TMEM132C: variants seen among roughly 807,000 people sequenced by gnomAD.
TMEM132C encodes transmembrane protein 132C.
In TMEM132C, 29 loss-of-function variants were observed where a neutral mutation model predicts 61.4. The observed-to-expected ratio is 0.47, with a 90% confidence interval of 0.35 to 0.64. The LOEUF (loss-of-function observed/expected upper bound fraction) is 0.64. Ranked by LOEUF, TMEM132C falls within the 30% of genes least tolerant of loss-of-function variation. The pLI, the probability that TMEM132C is intolerant of heterozygous loss-of-function variation, is 0.00. For missense variants in TMEM132C, 1,408 were observed against 1,476.9 expected (o/e 0.95, Z 0.76); for synonymous variants, 656 against 633.1 (o/e 1.04, Z -0.54).
At chr12:128,587,992 G>A (rs989303057) in intron 3 of TMEM132C, among the ~76,000 whole-genome samples, 19 of 152,162 alleles carry the variant, frequency 1.2e-4, no homozygotes, top group African/African-American at 4.6e-4. Flanking sequence ...CTCTTAAATA[G>A]CACTCAATCC....
chr12:128,368,187 G>T (rs1431983618), intron 1 of TMEM132C, among the ~76,000 whole-genome samples: 1 of 152,204 alleles, frequency 6.6e-6, no homozygotes, highest in Non-Finnish European at 1.5e-5. Flanking sequence ...CACTAGCTAG[G>T]AGCTTTTATG....
At chr12:128,543,041 A>C (rs1873816555) in intron 2 of TMEM132C, among the ~76,000 whole-genome samples, 1 of 152,042 alleles carries the variant, frequency 6.6e-6, no homozygotes, top group South Asian at 2.1e-4. Flanking sequence ...TCGTCCGTTT[A>C]TTGATAAGGA....
chr12:128,663,015 C>T (rs896211020), intron 4 of TMEM132C, among the ~76,000 whole-genome samples: 5 of 152,174 alleles, frequency 3.3e-5, no homozygotes, highest in African/African-American at 1.2e-4. Flanking sequence ...AGCCCAGAAT[C>T]GAAAGCCGGA....
intron 3 of TMEM132C, among the ~76,000 whole-genome samples, chr12:128,580,102 C>G (rs145176459): frequency 5.3e-5 from 8 of 152,286 alleles, no homozygotes; most frequent in African/African-American, 1.9e-4. Context: ...CGTAATCTCT[C>G]CAAGCCTCAG....
At chr12:128,658,417 C>T (rs74347002) in intron 4 of TMEM132C, among the ~76,000 whole-genome samples, 3,529 of 152,324 alleles carry the variant, frequency 0.023, 86 homozygotes, top group African/African-American at 0.065. Flanking sequence ...GCCACGTGAG[C>T]GGTGTGCCTT....
At chr12:128,386,711 T>G (rs1874594882) in intron 1 of TMEM132C, among the ~76,000 whole-genome samples, 1 of 152,228 alleles carries the variant, frequency 6.6e-6, no homozygotes, top group African/African-American at 2.4e-5. Flanking sequence ...ATCCCCCATC[T>G]TTTAGATGAG....
chr12:128,585,476 G>C (rs1214262723), intron 3 of TMEM132C, among the ~76,000 whole-genome samples: 1 of 152,210 alleles, frequency 6.6e-6, no homozygotes, highest in African/African-American at 2.4e-5. Context: ...ATGCCCAAAG[G>C]CTATGACCCA....
intron 2 of TMEM132C, among the ~76,000 whole-genome samples, chr12:128,479,583 T>G (rs987124163): frequency 6.6e-6 from 1 of 152,202 alleles, no homozygotes; most frequent in African/African-American, 2.4e-5. Flanking sequence ...GTTCGTTTGT[T>G]TATATTTTGG....
In TMEM132C at chr12:128,276,397, A is replaced by C. The variant is rs180741328; in HGVS notation, c.85+8910A>C. 9.8e-5 allele frequency among the ~76,000 whole-genome samples: 15 copies of C among 152,358 alleles called. No homozygotes were observed. The East Asian group carries it at 2.9e-3, about 29-fold the overall frequency. On this transcript the variant is annotated intron_variant, in intron 1 of 8. Transcript: ENST00000435159. Reference sequence around the variant, plus strand: ...ATATCGGGGAATAGGAAAACTGGTCAAGTGTGAGGTGTTTGTTTATTGTAG... The same window carrying C: ...ATATCGGGGAATAGGAAAACTGGTCCAGTGTGAGGTGTTTGTTTATTGTAG...
chr12:128,390,179 G>A (rs149332001), intron 1 of TMEM132C, among the ~76,000 whole-genome samples: 228 of 152,222 alleles, frequency 1.5e-3, no homozygotes, highest in African/African-American at 4.5e-3. Context: ...CAGGTTATTC[G>A]TTTTCTGGGC....
intron 1 of TMEM132C, among the ~76,000 whole-genome samples, chr12:128,351,217 A>G (rs559753823): frequency 6.6e-6 from 1 of 152,098 alleles, no homozygotes; most frequent in Non-Finnish European, 1.5e-5. Flanking sequence ...CCAAGGAGTG[A>G]TATGACCTGG....
At chr12:128,450,057 C>T (rs1346531974) in intron 2 of TMEM132C, among the ~76,000 whole-genome samples, 1 of 152,192 alleles carries the variant, frequency 6.6e-6, no homozygotes, top group Non-Finnish European at 1.5e-5. Context: ...GAAAGGAAGG[C>T]ACTGTGCTTT....
intron 1 of TMEM132C, among the ~76,000 whole-genome samples, chr12:128,285,769 TTCTC>T (rs139826127): frequency 0.35 from 6,106 of 17,416 alleles, 1,400 homozygotes; most frequent in Admixed American, 0.4. Context: ...CTTTCTCTCT[TTCTC>T]TCTCTCTCTC....
chr12:128,634,646 A>AGCCTGT (rs1417796115), intron 4 of TMEM132C, among the ~76,000 whole-genome samples: 2 of 152,382 alleles, frequency 1.3e-5, no homozygotes, highest in Admixed American at 1.3e-4. Context: ...TGCTGTGCAC[A>AGCCTGT]GCCTGTCCAA....
intron 2 of TMEM132C, among the ~76,000 whole-genome samples, chr12:128,450,668 G>A (rs1211867384): frequency 6.6e-6 from 1 of 152,180 alleles, no homozygotes; most frequent in African/African-American, 2.4e-5. Context: ...AAGTGAGGCT[G>A]CATGTTTTAA....
intron 2 of TMEM132C, among the ~76,000 whole-genome samples, chr12:128,458,436 A>G (rs1297256236): frequency 1.3e-5 from 2 of 152,082 alleles, no homozygotes; most frequent in African/African-American, 4.8e-5. Context: ...TCTTGCTCAC[A>G]TACCATCCAG....
chr12:128,620,518 T>C (rs1465127765), intron 4 of TMEM132C, among the ~76,000 whole-genome samples: 3 of 152,202 alleles, frequency 2.0e-5, no homozygotes, highest in Non-Finnish European at 4.4e-5. Flanking sequence ...ATGGACTTTC[T>C]TCCTACTGCT....
intron 2 of TMEM132C, among the ~76,000 whole-genome samples, chr12:128,444,932 A>G (rs1869925526): frequency 6.6e-6 from 1 of 152,218 alleles, no homozygotes; most frequent in African/African-American, 2.4e-5. Context: ...GAGATAGGCG[A>G]GACTAAAAGG....
chr12:128,485,688 T>C (rs1871469243), intron 2 of TMEM132C, among the ~76,000 whole-genome samples: 1 of 152,074 alleles, frequency 6.6e-6, no homozygotes, highest in Non-Finnish European at 1.5e-5. Flanking sequence ...CCATCCCCAA[T>C]GTCAGTAGTG....
Sources: allele counts gnomAD v4.1 joint callset (sites outside exome capture counted in the v4.1 genomes callset), GRCh38; gene constraint gnomAD v4.1.1; transcripts MANE v1.5; gene names NCBI Gene and HGNC (gene_info 2026-07-23, HGNC 2026-07-21).